Variants in CCSER1 observed in about 807,000 individuals in gnomAD.
CCSER1 encodes the protein serine-rich coiled-coil domain-containing protein 1.
CCSER1 carries 41 observed loss-of-function variants against 82.0 expected under a neutral mutation model. The observed-to-expected ratio is 0.50, with a 90% CI of 0.39 to 0.65. The LOEUF (loss-of-function observed/expected upper bound fraction) is 0.65, where lower values mean the gene tolerates loss of function less well. Among genes scored for constraint, CCSER1 ranks in the 30% least tolerant of loss-of-function variants. The pLI is 0.00. For missense variants in CCSER1, 1,119 were observed against 1,064.2 expected (o/e 1.05, Z -0.72); for synonymous variants, 414 against 383.9 (o/e 1.08, Z -0.92).
At chr4:91,514,235 GTTGT>G (rs1759980205) in intron 10 of CCSER1, among the ~76,000 whole-genome samples, 1 of 152,120 alleles carries the variant, frequency 6.6e-6, no homozygotes, top group African/African-American at 2.4e-5. Context: ...TCAGAAGCAA[GTTGT>G]TTAATTTCTA....
intron 10 of CCSER1, among the ~76,000 whole-genome samples, chr4:91,283,292 T>G (rs1186188846): frequency 6.6e-6 from 1 of 152,136 alleles, no homozygotes. Flanking sequence ...TTTTTTCCCT[T>G]TATTAAATAA....
intron 10 of CCSER1, among the ~76,000 whole-genome samples, chr4:91,401,125 T>C (rs1752288681): frequency 6.6e-6 from 1 of 151,816 alleles, no homozygotes; most frequent in African/African-American, 2.4e-5. Context: ...TTTTATTTAT[T>C]TAATCTTCAT....
intron 10 of CCSER1, among the ~76,000 whole-genome samples, chr4:91,390,231 T>A (rs531139168): frequency 2.3e-4 from 35 of 152,144 alleles, no homozygotes; most frequent in African/African-American, 7.2e-4. Flanking sequence ...GAGTTTTTTT[T>A]AAATTTTATT....
Position 90,861,902 on chromosome 4 carries a change from ACT to A in CCSER1, c.2094+46059_2094+46060del, listed in dbSNP as rs1765128644. On this transcript the variant is annotated intron_variant, in intron 8 of 10. Transcript: ENST00000509176. ...AAACCATGGATCTCCTGATATGATG[ACT>A]CATATATATATATATATATATATTT... is the stretch of plus-strand genomic sequence containing the variant. Among the ~76,000 whole-genome samples, 60 of 135,332 alleles carry A rather than the reference ACT, an allele frequency of 4.4e-4. 3 individuals carry two copies. Among genetic ancestry groups the A allele is most frequent in the Non-Finnish European group, 1.6e-5 (1 of 62,492 alleles). 88.8% of individuals were successfully genotyped at this position (135,332 alleles called of 152,430 possible). A position where few individuals can be genotyped will look rare whatever the true frequency, so the allele number is the denominator to read the frequency against.
chr4:91,478,453 A>C (rs1216740736), intron 10 of CCSER1, among the ~76,000 whole-genome samples: 1 of 151,948 alleles, frequency 6.6e-6, no homozygotes, highest in Non-Finnish European at 1.5e-5. Flanking sequence ...TTTAAAAACT[A>C]AGTTGAATAC....
At chr4:91,427,363 T>G (rs1754045829) in intron 10 of CCSER1, among the ~76,000 whole-genome samples, 1 of 152,152 alleles carries the variant, frequency 6.6e-6, no homozygotes, top group Admixed American at 6.5e-5. Flanking sequence ...TCATGTTAGG[T>G]GCTCTTTTCA....
At chr4:90,781,420 A>G (rs1184881438) in intron 7 of CCSER1, 1 of 985,264 alleles carries the variant, frequency 1.0e-6, no homozygotes, top group African/African-American at 1.7e-5. Flanking sequence ...CTGTAATACT[A>G]ACCTAACTCA....
intron 10 of CCSER1, among the ~76,000 whole-genome samples, chr4:91,245,039 A>G (rs1739653164): frequency 6.6e-6 from 1 of 152,034 alleles, no homozygotes. Flanking sequence ...ATGATCAAGC[A>G]GAAGAAAGAA....
intron 8 of CCSER1, among the ~76,000 whole-genome samples, chr4:90,858,251 C>T (rs545230124): frequency 2.7e-4 from 41 of 152,078 alleles, no homozygotes; most frequent in African/African-American, 1.4e-4. Context: ...TTCCTAAGAA[C>T]GTAGTTGCCC....
Position 91,598,921 on chromosome 4 carries a change from A to T in CCSER1, c.2567A>T (p.His856Leu), listed in dbSNP as rs1309431615. The T allele has an allele frequency of 6.4e-7, 1 of 1,551,608 alleles. No individual in the cohort carries two copies. Among genetic ancestry groups the T allele is most frequent in the Admixed American group, 2.0e-5 (1 of 50,994 alleles). Reference sequence around the variant, plus strand: ...GACCAAGTTGCTACGGCCCGACAGCATTCGACCTTTACAGGCAGGTTTGGA... The same window carrying T: ...GACCAAGTTGCTACGGCCCGACAGCTTTCGACCTTTACAGGCAGGTTTGGA... Reference protein sequence around the residue: ...PKDQVATARQHSTFTGRFGQP... With the variant: ...PKDQVATARQLSTFTGRFGQP... The change falls in exon 11 of 11, where the codon CAT (histidine) becomes CTT (leucine). Residue 856 changes from histidine to leucine, a missense_variant. By Grantham distance (99) the His-to-Leu change is moderately conservative. Transcript: ENST00000509176.
chr4:90,776,432 A>G (rs1357944944), intron 7 of CCSER1, among the ~76,000 whole-genome samples: 1 of 152,222 alleles, frequency 6.6e-6, no homozygotes, highest in Non-Finnish European at 1.5e-5. Context: ...TCACAGCTCA[A>G]ACTGACCTTG....
chr4:90,144,006 T>C (rs1663627570), intron 1 of CCSER1, among the ~76,000 whole-genome samples: 1 of 152,186 alleles, frequency 6.6e-6, no homozygotes, highest in Non-Finnish European at 1.5e-5. Context: ...TCCTTTGTTA[T>C]CATCACATTT....
rs187375180 is a variant in CCSER1 at position 91,561,086 on chromosome 4, C to T, written c.2218-37486C>T. On this transcript the variant is annotated intron_variant, in intron 10 of 10. Transcript: ENST00000509176. ...AAGTCATCTCTCTCCTAACCTATAA[C>T]AATAGCCTACTATTCTCACTCCAAC... Among the ~76,000 whole-genome samples, 15 of 151,536 alleles carry T rather than the reference C, an allele frequency of 9.9e-5. No individual in the cohort carries two copies. In the Admixed American group the frequency reaches 9.9e-4, roughly 10 times the overall value.
intron 10 of CCSER1, among the ~76,000 whole-genome samples, chr4:91,340,108 C>A (rs1747611979): frequency 6.6e-6 from 1 of 151,890 alleles, no homozygotes; most frequent in South Asian, 2.1e-4. Flanking sequence ...CAGAGAGAGA[C>A]TGTCTCAAAA....
chr4:90,398,685 C>T (rs1045938178), intron 3 of CCSER1, among the ~76,000 whole-genome samples: 1 of 152,060 alleles, frequency 6.6e-6, no homozygotes, highest in Non-Finnish European at 1.5e-5. Flanking sequence ...ATTGGACTAT[C>T]GCTGACACTG....
intron 1 of CCSER1, among the ~76,000 whole-genome samples, chr4:90,285,258 G>C (rs1033869019): frequency 1.3e-4 from 20 of 151,910 alleles, no homozygotes; most frequent in African/African-American, 4.6e-4. Context: ...TAACAATATT[G>C]ATTCTTCTAA....
chr4:91,425,000 A>G (rs1482677999), intron 10 of CCSER1, among the ~76,000 whole-genome samples: 2 of 152,094 alleles, frequency 1.3e-5, no homozygotes, highest in Non-Finnish European at 2.9e-5. Context: ...CTTGAATTGG[A>G]CATGTATGTT....
At chr4:90,267,041 G>C (rs1034594386) in intron 1 of CCSER1, among the ~76,000 whole-genome samples, 1 of 151,936 alleles carries the variant, frequency 6.6e-6, no homozygotes, top group Admixed American at 6.6e-5. Context: ...CAACTCTTGG[G>C]GTCCCCAATT....
chr4:90,234,866 A>G (rs998436983), intron 1 of CCSER1, among the ~76,000 whole-genome samples: 1 of 152,182 alleles, frequency 6.6e-6, no homozygotes, highest in Non-Finnish European at 1.5e-5. Context: ...TAACCCAGTT[A>G]TGGCTGGCTG....
Sources: gnomAD v4.1 joint callset for allele counts (sites outside exome capture counted in the v4.1 genomes callset) on GRCh38, gnomAD v4.1.1 for gene constraint, MANE v1.5 for transcripts, NCBI Gene and HGNC (gene_info 2026-07-23, HGNC 2026-07-21) for gene names.